Variants in PBX1 observed in about 807,000 individuals in gnomAD.
PBX1 encodes pre-B-cell leukemia transcription factor 1.
Under a neutral mutation model 53.4 loss-of-function variants are expected in PBX1, and 6 were observed. That is an observed-to-expected ratio of 0.11 (90% CI 0.06 to 0.22). The LOEUF is 0.22. Among genes scored for constraint, PBX1 ranks in the 10% least tolerant of loss-of-function variants. The pLI is 1.00. For missense variants in PBX1, 251 were observed against 551.4 expected, an observed-to-expected ratio of 0.46 and a Z score of 5.46; for synonymous variants, 204 against 212.3, an observed-to-expected ratio of 0.96 and a Z score of 0.34.
At chr1:164,880,327 G>A (rs541195212) in intron 2 of PBX1, among the ~76,000 whole-genome samples, 36 of 152,278 alleles carry the variant, frequency 2.4e-4, no homozygotes, top group East Asian at 3.9e-4. Flanking sequence ...TTATCAAAGC[G>A]TTCTTCATTG....
chr1:164,600,797 G>A (rs1656116575), intron 2 of PBX1, among the ~76,000 whole-genome samples: 4 of 152,152 alleles, frequency 2.6e-5, no homozygotes, highest in South Asian at 2.1e-4. Flanking sequence ...TCTCAGACAC[G>A]TTTGCTTCTG....
intron 2 of PBX1, among the ~76,000 whole-genome samples, chr1:164,738,531 A>G (rs544647966): frequency 3.4e-4 from 52 of 152,228 alleles, no homozygotes; most frequent in African/African-American, 8.7e-4. Context: ...ACCTCATGCA[A>G]TTCTCCCAAA....
At chr1:164,599,582 C>T (rs1358097829) in intron 2 of PBX1, among the ~76,000 whole-genome samples, 2 of 151,996 alleles carry the variant, frequency 1.3e-5, no homozygotes, top group African/African-American at 4.8e-5. Context: ...GACTGTCCCT[C>T]AGGAGGGGAG....
At chr1:164,823,863 A>G (rs1571477036) in intron 8 of PBX1, among the ~76,000 whole-genome samples, 1 of 151,940 alleles carries the variant, frequency 6.6e-6, no homozygotes, top group African/African-American at 2.4e-5. Context: ...GCTGATCGTG[A>G]TATGTTCTTT....
intron 2 of PBX1, among the ~76,000 whole-genome samples, chr1:164,571,337 C>T (rs1459842924): frequency 1.3e-5 from 2 of 152,164 alleles, no homozygotes; most frequent in Non-Finnish European, 2.9e-5. Flanking sequence ...TTTTACCAAT[C>T]AGTCCATATT....
chr1:164,760,380 C>T (rs900268129), intron 2 of PBX1, among the ~76,000 whole-genome samples: 1 of 151,688 alleles, frequency 6.6e-6, no homozygotes, highest in South Asian at 2.1e-4. Context: ...TTCCTCCCTC[C>T]CACCCTTCTT....
chr1:164,776,164 GGCAGCCT>G (rs1288873923), intron 2 of PBX1, among the ~76,000 whole-genome samples: 12 of 152,096 alleles, frequency 7.9e-5, no homozygotes, highest in Admixed American at 5.9e-4. Flanking sequence ...TCAGTGAAGA[GGCAGCCT>G]ATCCTAGATT....
At chr1:164,675,740 G>A (rs894418698) in intron 2 of PBX1, among the ~76,000 whole-genome samples, 3 of 152,064 alleles carry the variant, frequency 2.0e-5, no homozygotes, top group Non-Finnish European at 4.4e-5. Flanking sequence ...CAGACACTGA[G>A]GACTGCCTGC....
chr1:164,648,689 CTTG>C (rs140233165), intron 2 of PBX1, among the ~76,000 whole-genome samples: 5,669 of 152,280 alleles, frequency 0.037, 162 homozygotes, highest in South Asian at 0.11. Flanking sequence ...TGACCCTGGA[CTTG>C]TTGATTTGTC....
chr1:164,849,595 C>G lies in PBX1; in HGVS notation c.*2919C>G, dbSNP rs1286443035. 2.5e-6 allele frequency: 2 copies of G among 807,030 alleles called. No homozygotes were observed. The highest frequency in any genetic ancestry group is 3.7e-6 in the Non-Finnish European group (2 of 535,146). 50.0% of individuals were successfully genotyped at this position (807,030 alleles called of 1,614,324 possible). On this transcript the variant is annotated 3_prime_UTR_variant, in exon 9 of 9. Transcript: ENST00000420696. ...TCCATTTTCCCCGACAGCGAATTTC[C>G]CCTGAGAAACGATACTAGACCCTGG... is the stretch of plus-strand genomic sequence containing the variant.
At chr1:164,765,429 T>G (rs1667013781) in intron 2 of PBX1, among the ~76,000 whole-genome samples, 1 of 152,198 alleles carries the variant, frequency 6.6e-6, no homozygotes, top group Admixed American at 6.5e-5. Flanking sequence ...CTTGGCTTCA[T>G]CAATGAAGAT....
intron 2 of PBX1, among the ~76,000 whole-genome samples, chr1:164,565,713 G>A (rs1407152159): frequency 6.6e-6 from 1 of 151,634 alleles, no homozygotes; most frequent in Non-Finnish European, 1.5e-5. Flanking sequence ...GCAGTTGATG[G>A]GTCGGAGGAA....
chr1:164,708,292 A>G (rs1215658085), intron 2 of PBX1, among the ~76,000 whole-genome samples: 1 of 152,184 alleles, frequency 6.6e-6, no homozygotes, highest in African/African-American at 2.4e-5. Context: ...GATGAGTGAG[A>G]GATGGTCATT....
At chr1:164,647,493 C>A (rs892622698) in intron 2 of PBX1, among the ~76,000 whole-genome samples, 1 of 152,128 alleles carries the variant, frequency 6.6e-6, no homozygotes, top group African/African-American at 2.4e-5. Context: ...ATCGAGGTGA[C>A]CTAGTTGACC....
chr1:164,766,738 ATTTT>A (rs35564181), intron 2 of PBX1, among the ~76,000 whole-genome samples: 3 of 69,192 alleles, frequency 4.3e-5, no homozygotes, highest in African/African-American at 8.3e-5. Context: ...TTATTTATTT[ATTTT>A]TTTTTTTTTG....
chr1:164,620,962 C>A (rs982537755), intron 2 of PBX1, among the ~76,000 whole-genome samples: 6 of 151,722 alleles, frequency 4.0e-5, no homozygotes, highest in Non-Finnish European at 1.5e-5. Flanking sequence ...GGGTTACAGG[C>A]GTGAGCCACT....
At chr1:164,803,793 A>T (rs539681005) in intron 4 of PBX1, among the ~76,000 whole-genome samples, 78 of 152,332 alleles carry the variant, frequency 5.1e-4, no homozygotes, top group African/African-American at 1.8e-3. Context: ...AGGAAGATGT[A>T]TGGGAAGTTA....
intron 2 of PBX1, among the ~76,000 whole-genome samples, chr1:164,714,118 A>G (rs1344835116): frequency 6.6e-6 from 1 of 152,206 alleles, no homozygotes; most frequent in Non-Finnish European, 1.5e-5. Context: ...ACTAATTCCT[A>G]TTATTCTTTT....
In PBX1 at chr1:164,848,480, G is replaced by T. The variant is rs1057084331; in HGVS notation, c.*1804G>T. 1 of 1,058,200 alleles carries T rather than the reference G, an allele frequency of 9.5e-7. No homozygotes were observed. Among genetic ancestry groups the T allele is most frequent in the African/African-American group, 1.6e-5 (1 of 60,652 alleles). The allele number at this position is 1,058,200 out of a possible 1,614,324, so 65.6% of individuals were successfully genotyped here. Reference sequence around the variant, plus strand: ...GGAAGTAATGTCCCTGAAATAAACGGGTTCATGCCATCTAGGGACAATAAA... The same window carrying T: ...GGAAGTAATGTCCCTGAAATAAACGTGTTCATGCCATCTAGGGACAATAAA... On this transcript the variant is annotated 3_prime_UTR_variant, in exon 9 of 9. Transcript: ENST00000420696.
Sources: allele counts gnomAD v4.1 joint callset (sites outside exome capture counted in the v4.1 genomes callset), GRCh38; gene constraint gnomAD v4.1.1; transcripts MANE v1.5; gene names NCBI Gene and HGNC (gene_info 2026-07-23, HGNC 2026-07-21).